DNAAF9: variants seen among roughly 807,000 people sequenced by gnomAD.
The protein encoded by DNAAF9 is dynein axonemal assembly factor 9, also known as shulin.
DNAAF9 carries 90 observed loss-of-function variants against 167.0 expected under a neutral mutation model. The observed-to-expected ratio is 0.54, with a 90% CI of 0.45 to 0.64. The LOEUF (loss-of-function observed/expected upper bound fraction) is 0.64. Among genes scored for constraint, DNAAF9 ranks in the 30% least tolerant of loss-of-function variants. The pLI is 0.00. For synonymous variants in DNAAF9, 491 were observed against 508.8 expected (o/e 0.96, Z 0.47); for missense variants, 1,315 against 1,442.2 (o/e 0.91, Z 1.43).
intron 1 of DNAAF9, among the ~76,000 whole-genome samples, chr20:3,398,066 C>A (rs2083935485): frequency 6.6e-6 from 1 of 152,192 alleles, no homozygotes; most frequent in African/African-American, 2.4e-5. Context: ...TATCCAGGTG[C>A]AAGTCAGGTC....
intron 12 of DNAAF9, among the ~76,000 whole-genome samples, chr20:3,327,729 A>C (rs2069737641): frequency 6.6e-6 from 1 of 152,192 alleles, no homozygotes; most frequent in Non-Finnish European, 1.5e-5. Context: ...TTCATGGCTG[A>C]CCCAAACTCA....
At chr20:3,313,629 G>GC (rs1479943372) in intron 20 of DNAAF9, among the ~76,000 whole-genome samples, 2 of 152,180 alleles carry the variant, frequency 1.3e-5, no homozygotes, top group Non-Finnish European at 2.9e-5. Context: ...TAAAATCCAT[G>GC]CAAGACCAAC....
At chr20:3,401,394 G>A (rs1339555463) in intron 1 of DNAAF9, among the ~76,000 whole-genome samples, 3 of 151,846 alleles carry the variant, frequency 2.0e-5, no homozygotes. Flanking sequence ...GTAGAGATGG[G>A]GTTTTTCCAA....
chr20:3,375,634 C>T (rs771480400), intron 4 of DNAAF9, among the ~76,000 whole-genome samples: 6 of 152,038 alleles, frequency 3.9e-5, no homozygotes, highest in South Asian at 4.1e-4. Context: ...CTGAGGTGGG[C>T]GGATCACCTA....
intron 1 of DNAAF9, among the ~76,000 whole-genome samples, chr20:3,391,646 T>A (rs1159715760): frequency 6.8e-6 from 1 of 147,922 alleles, no homozygotes; most frequent in Non-Finnish European, 1.5e-5. Context: ...AACAGCGCGA[T>A]CTTGGCTCAC....
At chr20:3,341,481 T>A (rs2070084434) in intron 9 of DNAAF9, among the ~76,000 whole-genome samples, 1 of 152,170 alleles carries the variant, frequency 6.6e-6, no homozygotes, top group African/African-American at 2.4e-5. Context: ...TCCTCTGTGA[T>A]GATGTTCCCT....
intron 1 of DNAAF9, among the ~76,000 whole-genome samples, chr20:3,401,583 T>C (rs556038046): frequency 3.1e-5 from 3 of 97,670 alleles, no homozygotes; most frequent in African/African-American, 1.2e-4. Context: ...AGCCCACAGC[T>C]TCACCTGTAA....
chr20:3,332,304 CA>C lies in DNAAF9; in HGVS notation c.1038del (p.Phe346LeufsTer49). 2 of 1,601,988 alleles carry C rather than the reference CA, an allele frequency of 1.2e-6. No homozygotes were observed. The highest frequency in any genetic ancestry group is 1.7e-6 in the Non-Finnish European group (2 of 1,169,422). ...CCCAAGTAAGGAACATGAGTAGCTC[CA>C]AAAAAGTATGTTCTCGAACAAGCAA... Reference protein sequence around the residue: ...GPLACSRTYFFGATHVPYLGG... With the variant: ...GPLACSRTYFXGATHVPYLGG... On this transcript the variant is annotated frameshift_variant, in exon 11 of 37. Transcript: ENST00000252032. LOFTEE classifies it high-confidence loss of function.
chr20:3,395,740 T>C (rs1183799435), intron 1 of DNAAF9, among the ~76,000 whole-genome samples: 3 of 152,214 alleles, frequency 2.0e-5, no homozygotes, highest in African/African-American at 7.2e-5. Flanking sequence ...TCATTTTATA[T>C]ACCCTTGTGT....
chr20:3,394,947 T>C (rs1424429252), intron 1 of DNAAF9, among the ~76,000 whole-genome samples: 2 of 108,854 alleles, frequency 1.8e-5, no homozygotes, highest in Non-Finnish European at 3.5e-5. Context: ...ATTTTCTTTT[T>C]TCTTTTTTTT....
rs553089707 is a variant in DNAAF9, at chr20:3,330,453, G to A, written c.1100+193C>T. On this transcript the variant is annotated intron_variant, in intron 12 of 36. Transcript: ENST00000252032. ...GACAGGGTCTGCTTATGTTGCCCAG[G>A]CTGGTCTCGAATTCCTGGTCTCAAG... Among the ~76,000 whole-genome samples, 11 of 151,900 alleles carry A rather than the reference G, an allele frequency of 7.2e-5. No individual in the cohort carries two copies. In the South Asian group the frequency reaches 1.7e-3, roughly 23 times the overall value.
At chr20:3,368,923 G>A (rs1053679142) in intron 6 of DNAAF9, among the ~76,000 whole-genome samples, 1 of 150,844 alleles carries the variant, frequency 6.6e-6, no homozygotes, top group African/African-American at 2.4e-5. Flanking sequence ...CCTGAGGTCA[G>A]GAGTTTGGGA....
chr20:3,327,692 A>C (rs932202155), intron 12 of DNAAF9, among the ~76,000 whole-genome samples: 4 of 152,208 alleles, frequency 2.6e-5, no homozygotes, highest in Non-Finnish European at 5.9e-5. Context: ...TGGAAGTGGA[A>C]TATGTTGTCT....
At chr20:3,326,048 G>A (rs2123061973) in intron 13 of DNAAF9, 149 bp downstream of exon 13, 2 of 615,960 alleles carry the variant, frequency 3.2e-6, no homozygotes, top group South Asian at 4.2e-5. Context: ...GAAGCTCAGT[G>A]CTCTCAGGGC....
Position 3,340,531 on chromosome 20 carries a change from A to C in DNAAF9, c.954T>G (p.Gly318=), listed in dbSNP as rs1479261303. ...PSEGHLVRST[G]PGGSFAKHMV... is the part of the protein sequence containing the mutation. The stretch of plus-strand genomic sequence containing the variant: ...TGTGCTTGGCAAAGCTCCCGCCGGG[A>C]CCAGTGCTTCGTACCAGATGTCCTT... The change falls in exon 10 of 37, where the codon GGT becomes GGG. Residue 318 remains glycine, a synonymous_variant. Transcript: ENST00000252032. The C allele has an allele frequency of 6.4e-7, 1 of 1,566,238 alleles. No homozygotes were observed. Among genetic ancestry groups the C allele is most frequent in the South Asian group, 1.1e-5 (1 of 90,370 alleles).
At chr20:3,261,735 A>T (rs1379575044) in intron 31 of DNAAF9, among the ~76,000 whole-genome samples, 1 of 120,920 alleles carries the variant, frequency 8.3e-6, no homozygotes, top group Non-Finnish European at 1.8e-5. Context: ...TATTCTTCTT[A>T]ATTTCTTTAA....
intron 36 of DNAAF9, among the ~76,000 whole-genome samples, 174 bp from the exon 37 acceptor site, chr20:3,252,858 A>G (rs2068217131): frequency 6.6e-6 from 1 of 152,116 alleles, no homozygotes; most frequent in South Asian, 2.1e-4. Context: ...AGCTACAAAG[A>G]ATGCAATGGC....
chr20:3,343,624 C>T (rs1568616966), intron 9 of DNAAF9, 52 bp downstream of exon 9: 2 of 1,463,826 alleles, frequency 1.4e-6, no homozygotes, highest in Non-Finnish European at 9.5e-7. Context: ...CCCTTTGCCA[C>T]CTCCATTTTC....
intron 22 of DNAAF9, among the ~76,000 whole-genome samples, chr20:3,297,791 A>T (rs2069107536): frequency 6.6e-6 from 1 of 152,232 alleles, no homozygotes; most frequent in Non-Finnish European, 1.5e-5. Context: ...AGGACAAAGC[A>T]GATTTTTCTT....
Sources: gnomAD v4.1 joint callset for allele counts (sites outside exome capture counted in the v4.1 genomes callset) on GRCh38, gnomAD v4.1.1 for gene constraint, MANE v1.5 for transcripts, NCBI Gene and HGNC (gene_info 2026-07-23, HGNC 2026-07-21) for gene names.